Variants in NR1D1 observed in about 807,000 individuals in gnomAD.
NR1D1 encodes the protein Rev-ErbAalpha.
NR1D1 carries 17 observed loss-of-function variants against 51.1 expected under a neutral mutation model. The ratio of observed to expected loss-of-function variants is 0.33; its 90% CI spans 0.23 to 0.50. NR1D1 has a LOEUF of 0.50. Among genes scored for constraint, NR1D1 ranks in the 20% least tolerant of loss-of-function variants. The probability of loss-of-function intolerance (pLI) is 0.98; values close to 1 mark genes in which losing one functional copy is unlikely to be tolerated. For synonymous variants in NR1D1, 341 were observed against 333.4 expected (o/e 1.02, Z -0.25); for missense variants, 647 against 830.4 (o/e 0.78, Z 2.71).
chr17:40,096,835 G>C, intron 2 of NR1D1, 56 bp from the exon 3 acceptor site: 3 of 1,541,824 alleles, frequency 1.9e-6, no homozygotes, highest in Non-Finnish European at 2.7e-6. Context: ...GTGGCCACAG[G>C]TGTGGAGGCT....
chr17:40,095,361 A>G, intron 5 of NR1D1, 83 bp downstream of exon 5: 11 of 1,477,996 alleles, frequency 7.4e-6, no homozygotes, highest in Non-Finnish European at 9.9e-6. Context: ...AGCCTCCAGG[A>G]ACCCCCAGCT....
rs200972980 is a variant in NR1D1 at position 40,095,089 on chromosome 17, C to T, written c.1280G>A (p.Arg427His). 5.0e-6 allele frequency: 8 copies of T among 1,613,752 alleles called. No individual in the cohort carries two copies. The East Asian group carries it at 1.1e-4, about 22-fold the overall frequency. The change falls in exon 6 of 8, where the codon CGC becomes CAC. Residue 427 changes from arginine to histidine, a missense_variant. Coordinates refer to ENST00000246672, the MANE Select transcript of NR1D1 (RefSeq NM_021724.5). Reference sequence around the variant, plus strand: ...GATCTCCTGCACCGTTCGCCCACTGCGTCCATGCGGGTACATGTTCATAGG... The same window carrying T: ...GATCTCCTGCACCGTTCGCCCACTGTGTCCATGCGGGTACATGTTCATAGG... ...ACPMNMYPHG[R>H]SGRTVQEIWE...
intron 1 of NR1D1, among the ~76,000 whole-genome samples, chr17:40,097,773 T>C (rs1987794066): frequency 6.6e-6 from 1 of 152,132 alleles, no homozygotes; most frequent in African/African-American, 2.4e-5. Context: ...CCATTCAAAG[T>C]GCCCAGTCCT....
intron 4 of NR1D1, 32 bp from the exon 5 acceptor site, chr17:40,096,119 T>A: frequency 6.3e-7 from 1 of 1,599,990 alleles, no homozygotes; most frequent in African/African-American, 1.3e-5. Context: ...ATCAGGAAGT[T>A]CTCAACCATG....
Position 40,093,846 on chromosome 17 carries a change from A to G in NR1D1, c.1645+66T>C, listed in dbSNP as rs1257896505. On this transcript the variant is annotated intron_variant, in intron 7 of 7. Coordinates refer to ENST00000246672, the MANE Select transcript of NR1D1 (RefSeq NM_021724.5). The surrounding 1 kb of genome is among the most constrained non-coding windows in gnomAD (Gnocchi z 5.9). ...GGGCCTGGCATAGAGTAGGTACTCC[A>G]TAAAAGGTGTGTTGAATTGAACTGC... The G allele has an allele frequency of 5.5e-6, 8 of 1,452,494 alleles. No homozygotes were observed. The highest frequency in any genetic ancestry group is 7.7e-6 in the Non-Finnish European group (8 of 1,039,298). 90.0% of individuals were successfully genotyped at this position (1,452,494 alleles called of 1,614,324 possible).
intron 1 of NR1D1, 32 bp downstream of exon 1, chr17:40,100,032 G>A (rs1459164331): frequency 3.3e-6 from 5 of 1,537,932 alleles, no homozygotes; most frequent in East Asian, 4.5e-5. Context: ...GACAGTGACA[G>A]GGAAAAGATG....
Position 40,093,816 on chromosome 17 carries a change from G to GT in NR1D1, c.1645+95dup. On this transcript the variant is annotated intron_variant, in intron 7 of 7. Coordinates refer to ENST00000246672, the MANE Select transcript of NR1D1 (RefSeq NM_021724.5). The surrounding 1 kb of genome is among the most constrained non-coding windows in gnomAD (Gnocchi z 5.9). ...ATCATGTCTGTATCCCCAGTGCCCG[G>GT]TGCAGGGCCTGGCATAGAGTAGGTA... 2.7e-6 allele frequency: 3 copies of GT among 1,124,200 alleles called. No homozygotes were observed. The highest frequency in any genetic ancestry group is 3.9e-6 in the Non-Finnish European group (3 of 761,256). The allele number at this position is 1,124,200 out of a possible 1,614,324, so 69.6% of individuals were successfully genotyped here.
intron 1 of NR1D1, among the ~76,000 whole-genome samples, chr17:40,099,174 G>A (rs1431817212): frequency 6.6e-6 from 1 of 152,134 alleles, no homozygotes; most frequent in Non-Finnish European, 1.5e-5. Context: ...GCTCCCCAAC[G>A]AGGAACCCCG....
In NR1D1 at chr17:40,096,022, T is replaced by C. The variant is rs201674503; in HGVS notation, c.670A>G (p.Met224Val). The change falls in exon 5 of 8, where the codon ATG (methionine) becomes GTG (valine). Residue 224 changes from methionine (M) to valine (V), a missense_variant. This residue lies in a region of NR1D1 where 48 missense variants were observed against 42.9 expected (regional missense o/e 1.12). Coordinates refer to ENST00000246672, the MANE Select transcript of NR1D1 (RefSeq NM_021724.5). ...QRMLAEMQSA[M>V]NLANNQLSSQ... ...CTCAACTGGTTGTTGGCCAGGTTCA[T>C]GGCACTCTGCATCTCAGCAAGCATC... The C allele has an allele frequency of 3.1e-6, 5 of 1,612,630 alleles. No homozygotes were observed. The African/African-American group carries it at 4.0e-5, about 13-fold the overall frequency.
Position 40,095,645 on chromosome 17 carries a change from C to G in NR1D1, c.1047G>C (p.Gln349His), listed in dbSNP as rs753819619. 6.2e-7 allele frequency: 1 copy of G among 1,612,260 alleles called. No individual in the cohort carries two copies. The change falls in exon 5 of 8, where the codon CAG becomes CAC. Residue 349 changes from glutamine (Q) to histidine (H), a missense_variant. Transcript: ENST00000246672. The part of the protein sequence containing the change: ...APNDNNTLAA[Q>H]RHNEALNGLR... ...GACCATTTAGGGCCTCGTTATGACG[C>G]TGGGCAGCCAAGGTGTTGTTGTCAT... is the stretch of plus-strand genomic sequence containing the variant.
Position 40,100,586 on chromosome 17 carries a change from C to G in NR1D1, c.-492G>C, listed in dbSNP as rs1470261388. The G allele has an allele frequency of 9.7e-6, 4 of 414,462 alleles. No individual in the cohort carries two copies. Among genetic ancestry groups the G allele is most frequent in the South Asian group, 9.0e-5 (1 of 11,090 alleles). The allele number at this position is 414,462 out of a possible 1,614,324, so 25.7% of individuals were successfully genotyped here. A position where few individuals can be genotyped will look rare whatever the true frequency, so the allele number is the denominator to read the frequency against. On this transcript the variant is annotated 5_prime_UTR_variant, in exon 1 of 8. Coordinates refer to ENST00000246672, the MANE Select transcript of NR1D1 (RefSeq NM_021724.5). ...ACGTTCCCTCGGCAGTAATATTTCACTCTGCCAATCTCAGCCGCCTTTTGC... is the reference window on the plus strand; with the variant it reads ...ACGTTCCCTCGGCAGTAATATTTCAGTCTGCCAATCTCAGCCGCCTTTTGC...
intron 5 of NR1D1, 111 bp downstream of exon 5, chr17:40,095,333 G>T: frequency 1.5e-6 from 2 of 1,354,598 alleles, no homozygotes; most frequent in South Asian, 1.5e-5. Flanking sequence ...CTCCTGGGAA[G>T]ATGCTATCCC....
intron 1 of NR1D1, 34 bp downstream of exon 1, chr17:40,100,030 C>G: frequency 6.6e-7 from 1 of 1,521,838 alleles, no homozygotes; most frequent in Non-Finnish European, 9.1e-7. Flanking sequence ...GAGACAGTGA[C>G]AGGGAAAAGA....
intron 6 of NR1D1, among the ~76,000 whole-genome samples, chr17:40,094,399 C>G: frequency 6.6e-6 from 1 of 152,160 alleles, no homozygotes; most frequent in East Asian, 1.9e-4. Context: ...AGCAGTGCAC[C>G]CAAGGCATTA....
intron 6 of NR1D1, among the ~76,000 whole-genome samples, chr17:40,094,448 T>A (rs1200903523): frequency 1.3e-5 from 2 of 152,232 alleles, no homozygotes; most frequent in African/African-American, 2.4e-5. Flanking sequence ...CCAGCTGAGA[T>A]GACAGAAGTC....
At chr17:40,100,041 T>C (rs374139956) in intron 1 of NR1D1, 23 bp downstream of exon 1, 24 of 1,573,388 alleles carry the variant, frequency 1.5e-5, no homozygotes, top group African/African-American at 1.5e-4. Flanking sequence ...AGGGAAAAGA[T>C]GATAGTAAAG....
At chr17:40,096,321 C>T in intron 4 of NR1D1, 122 bp downstream of exon 4, 1 of 1,385,404 alleles carries the variant, frequency 7.2e-7, no homozygotes, top group Non-Finnish European at 9.7e-7. Flanking sequence ...GAAGGATGGA[C>T]ATCCCCTGGC....
At chr17:40,096,217 C>T (rs1238989666) in intron 4 of NR1D1, 130 bp from the exon 5 acceptor site, 47 of 1,389,678 alleles carry the variant, frequency 3.4e-5, no homozygotes, top group Non-Finnish European at 4.8e-6. Flanking sequence ...CCAGCAAGTC[C>T]CCACCCATCA....
Position 40,095,976 on chromosome 17 carries a change from G to A in NR1D1, c.716C>T (p.Thr239Ile), listed in dbSNP as rs1054160022. Residue 239 changes from threonine to isoleucine, a missense_variant, in exon 5 of 8, where the codon ACT becomes ATT. Physicochemically the swap from Thr to Ile is moderately conservative, Grantham distance 89. Coordinates refer to ENST00000246672, the MANE Select transcript of NR1D1 (RefSeq NM_021724.5). Reference protein sequence around the residue: ...NQLSSQCPLETSPTQHPTPGP... With the variant: ...NQLSSQCPLEISPTQHPTPGP... ...TGGGGTGGGGTGCTGGGTGGGTGAA[G>A]TCTCCAGCGGGCACTGGCTGCTCAA... 3 of 1,612,492 alleles carry A rather than the reference G, an allele frequency of 1.9e-6. No homozygotes were observed. Among genetic ancestry groups the A allele is most frequent in the Admixed American group, 3.3e-5 (2 of 59,976 alleles).
Sources: allele counts gnomAD v4.1 joint callset (sites outside exome capture counted in the v4.1 genomes callset), GRCh38; gene constraint gnomAD v4.1.1; regional missense constraint gnomAD v4.1.1; non-coding constraint Gnocchi (gnomAD v3.1); transcripts MANE v1.5; gene names NCBI Gene and HGNC (gene_info 2026-07-23, HGNC 2026-07-21).